Variants in MTA3 observed in about 807,000 individuals in gnomAD.
MTA3 encodes metastasis-associated protein MTA3.
In MTA3, 34 loss-of-function variants were observed where a neutral mutation model predicts 83.5. The ratio of observed to expected loss-of-function variants is 0.41; its 90% CI spans 0.31 to 0.54. The LOEUF (loss-of-function observed/expected upper bound fraction) is 0.54. Among genes scored for constraint, MTA3 ranks in the 20% least tolerant of loss-of-function variants. The probability of loss-of-function intolerance (pLI) is 0.33; values close to 1 mark genes in which losing one functional copy is unlikely to be tolerated. For missense variants in MTA3, 761 were observed against 726.4 expected, an observed-to-expected ratio of 1.05 and a Z score of -0.55; for synonymous variants, 303 against 252.7, an observed-to-expected ratio of 1.20 and a Z score of -1.89.
At chr2:42,738,175 T>C (rs1186222699) in intron 16 of MTA3, among the ~76,000 whole-genome samples, 1 of 151,630 alleles carries the variant, frequency 6.6e-6, no homozygotes, top group Non-Finnish European at 1.5e-5. Flanking sequence ...GGTGGGAGGG[T>C]GGATTGAGAC....
chr2:42,674,553 G>C (rs1465125791), intron 8 of MTA3, among the ~76,000 whole-genome samples: 4 of 150,922 alleles, frequency 2.7e-5, no homozygotes, highest in Non-Finnish European at 5.9e-5. Flanking sequence ...TCTTTGCAAA[G>C]TATTTAATCT....
At chr2:42,644,915 A>G (rs1688032171) in intron 6 of MTA3, among the ~76,000 whole-genome samples, 1 of 152,176 alleles carries the variant, frequency 6.6e-6, no homozygotes, top group Non-Finnish European at 1.5e-5. Flanking sequence ...ATGAGACACA[A>G]CAATATTGAA....
chr2:42,729,254 G>A lies in MTA3; in HGVS notation c.1759+6219G>A, dbSNP rs1316808605. On this transcript the variant is annotated intron_variant, in intron 16 of 16. Coordinates refer to ENST00000405094, the MANE Select transcript of MTA3 (RefSeq NM_001330442.2). ...TGGGACTACAGGCGCCCACCACCACGCCCGGCTAATTTTTTGTATTTTTTT... is the reference window on the plus strand; with the variant it reads ...TGGGACTACAGGCGCCCACCACCACACCCGGCTAATTTTTTGTATTTTTTT... 1.3e-4 allele frequency among the ~76,000 whole-genome samples: 19 copies of A among 151,080 alleles called. No homozygotes were observed. The South Asian group carries it at 1.3e-3, about 10-fold the overall frequency.
At chr2:42,584,528 G>T (rs1192642779) in intron 3 of MTA3, among the ~76,000 whole-genome samples, 2 of 151,544 alleles carry the variant, frequency 1.3e-5, no homozygotes, top group African/African-American at 2.4e-5. Context: ...TTAATGGTAA[G>T]TTGGAGACTT....
intron 11 of MTA3, 49 bp downstream of exon 11, chr2:42,697,883 C>T (rs1173517509): frequency 4.6e-6 from 6 of 1,309,556 alleles, no homozygotes; most frequent in Non-Finnish European, 6.2e-6. Flanking sequence ...TTAATTTTAT[C>T]ATTGCAGAAT....
intron 2 of MTA3, among the ~76,000 whole-genome samples, chr2:42,578,314 C>G (rs1679267263): frequency 6.6e-6 from 1 of 152,172 alleles, no homozygotes; most frequent in African/African-American, 2.4e-5. Flanking sequence ...GAGCAGGAGC[C>G]TGGGCCCCAG....
At chr2:42,682,679 A>G (rs1573604930) in intron 9 of MTA3, 90 bp downstream of exon 9, 1 of 1,160,096 alleles carries the variant, frequency 8.6e-7, no homozygotes. Context: ...TCATTTAGCA[A>G]GTTTGTGAGT....
At chr2:42,608,703 T>G (rs1297059255) in intron 3 of MTA3, among the ~76,000 whole-genome samples, 1 of 152,060 alleles carries the variant, frequency 6.6e-6, no homozygotes, top group Non-Finnish European at 1.5e-5. Context: ...GGCAACATGG[T>G]GTAACGCTGT....
At chr2:42,684,765 G>C (rs1292508913) in intron 9 of MTA3, among the ~76,000 whole-genome samples, 3 of 152,200 alleles carry the variant, frequency 2.0e-5, no homozygotes, top group African/African-American at 4.8e-5. Flanking sequence ...CTCATTCTGT[G>C]CTCTGGTGGT....
In MTA3 at chr2:42,704,337, G is replaced by A. The variant is rs754150985; in HGVS notation, c.1150+19G>A. 8 of 1,612,998 alleles carry A rather than the reference G, an allele frequency of 5.0e-6. No individual in the cohort carries two copies. The highest frequency in any genetic ancestry group is 1.1e-5 in the South Asian group (1 of 91,024). On this transcript the variant is annotated intron_variant, in intron 12 of 16. Coordinates refer to ENST00000405094, the MANE Select transcript of MTA3 (RefSeq NM_001330442.2). Reference sequence around the variant, plus strand: ...TGCTATGGTAAGTTTTCTCTAGCAGGTCAGTTAAGCATCGGGAACTGTTCT... The same window carrying A: ...TGCTATGGTAAGTTTTCTCTAGCAGATCAGTTAAGCATCGGGAACTGTTCT...
chr2:42,594,215 G>A (rs1681399369), intron 3 of MTA3, among the ~76,000 whole-genome samples: 1 of 147,906 alleles, frequency 6.8e-6, no homozygotes, highest in Non-Finnish European at 1.5e-5. Context: ...GCCTCCCAAA[G>A]TGCTAGGAGG....
intron 2 of MTA3, among the ~76,000 whole-genome samples, chr2:42,522,229 G>C (rs1319659533): frequency 6.6e-6 from 1 of 152,128 alleles, no homozygotes; most frequent in Non-Finnish European, 1.5e-5. Flanking sequence ...CTCCGTCCCT[G>C]ACTTTGATAT....
In MTA3 at chr2:42,721,563, A is replaced by G. The variant is rs148209880; in HGVS notation, c.1613-1326A>G. Among the ~76,000 whole-genome samples the G allele has an allele frequency of 2.0e-3, 312 of 152,244 alleles. 2 individuals are homozygous for G. Among genetic ancestry groups the G allele is most frequent in the East Asian group, 8.3e-3 (43 of 5,180 alleles). On this transcript the variant is annotated intron_variant, in intron 15 of 16. Transcript: ENST00000405094. ...AGGCTGGTCTCGAACTCCTGGACTCATGCAGTCTGCCCACCTTGGCCTCCC... is the reference window on the plus strand; with the variant it reads ...AGGCTGGTCTCGAACTCCTGGACTCGTGCAGTCTGCCCACCTTGGCCTCCC...
chr2:42,608,144 C>G (rs1416326668), intron 3 of MTA3, among the ~76,000 whole-genome samples: 1 of 152,176 alleles, frequency 6.6e-6, no homozygotes, highest in Non-Finnish European at 1.5e-5. Flanking sequence ...TTTACTGTTG[C>G]TGTTGTAGAG....
At chr2:42,592,871 C>T (rs146277802) in intron 3 of MTA3, among the ~76,000 whole-genome samples, 1,758 of 152,226 alleles carry the variant, frequency 0.012, 17 homozygotes, top group Non-Finnish European at 0.019. Context: ...CAACAATAGG[C>T]CAGGTGCGGT....
intron 4 of MTA3, among the ~76,000 whole-genome samples, chr2:42,622,404 G>A (rs1685670533): frequency 6.7e-6 from 1 of 149,808 alleles, no homozygotes; most frequent in Non-Finnish European, 1.5e-5. Flanking sequence ...TGGGGAGAGG[G>A]GTAGGGGGAG....
intron 2 of MTA3, among the ~76,000 whole-genome samples, chr2:42,535,837 G>C (rs894409262): frequency 6.8e-6 from 1 of 147,424 alleles, no homozygotes; most frequent in Admixed American, 6.8e-5. Flanking sequence ...TGGAGCCACT[G>C]GCTGGGCACA....
intron 2 of MTA3, among the ~76,000 whole-genome samples, chr2:42,512,969 A>G (rs1674972460): frequency 1.3e-5 from 2 of 152,324 alleles, no homozygotes; most frequent in Middle Eastern, 6.8e-3. Context: ...AATGGCACCA[A>G]TCAAACCATC....
At chr2:42,560,034 AG>A (rs1236599489) in intron 2 of MTA3, among the ~76,000 whole-genome samples, 1 of 152,064 alleles carries the variant, frequency 6.6e-6, no homozygotes, top group Non-Finnish European at 1.5e-5. Flanking sequence ...TACTCTGCAC[AG>A]CAGTCCAAGT....
Sources: gnomAD v4.1 joint callset for allele counts (sites outside exome capture counted in the v4.1 genomes callset) on GRCh38, gnomAD v4.1.1 for gene constraint, MANE v1.5 for transcripts, NCBI Gene and HGNC (gene_info 2026-07-23, HGNC 2026-07-21) for gene names.